LRRC4C: variants seen among roughly 807,000 people sequenced by gnomAD.
LRRC4C encodes the protein leucine-rich repeat-containing protein 4C.
Under a neutral mutation model 33.6 loss-of-function variants are expected in LRRC4C, and 5 were observed. The observed-to-expected ratio is 0.15, with a 90% CI of 0.08 to 0.31. The LOEUF is 0.31. LRRC4C is among the 10% of genes least tolerant of loss of function. The pLI is 1.00. For missense variants in LRRC4C, 560 were observed against 796.7 expected, an observed-to-expected ratio of 0.70 and a Z score of 3.58; for synonymous variants, 329 against 302.0, an observed-to-expected ratio of 1.09 and a Z score of -0.93.
chr11:41,156,406 T>G (rs1013043205), intron 1 of LRRC4C, among the ~76,000 whole-genome samples: 2 of 152,174 alleles, frequency 1.3e-5, no homozygotes, highest in African/African-American at 4.8e-5. Context: ...ACAATGTGAC[T>G]GCAGAATTAG....
intron 2 of LRRC4C, among the ~76,000 whole-genome samples, chr11:40,815,734 C>A (rs1332623448): frequency 2.0e-5 from 3 of 152,162 alleles, no homozygotes; most frequent in Non-Finnish European, 4.4e-5. Flanking sequence ...ATGCCATCAG[C>A]TCAGTGCACT....
intron 3 of LRRC4C, among the ~76,000 whole-genome samples, chr11:40,618,894 T>G (rs1332960416): frequency 6.6e-6 from 1 of 151,702 alleles, no homozygotes; most frequent in Non-Finnish European, 1.5e-5. Flanking sequence ...TATTTGTACA[T>G]CTATAAATGG....
chr11:40,740,904 G>A (rs1948127535), intron 2 of LRRC4C, among the ~76,000 whole-genome samples: 1 of 151,834 alleles, frequency 6.6e-6, no homozygotes, highest in African/African-American at 2.4e-5. Flanking sequence ...CCCCCCATTG[G>A]TACCTTTGTC....
At chr11:40,163,752 C>A (rs1349151295) in intron 5 of LRRC4C, among the ~76,000 whole-genome samples, 2 of 152,012 alleles carry the variant, frequency 1.3e-5, no homozygotes, top group Non-Finnish European at 2.9e-5. Flanking sequence ...TCTAAGATGA[C>A]CCTGAGCCAC....
chr11:41,385,475 T>C (rs1478322922), intron 1 of LRRC4C, among the ~76,000 whole-genome samples: 1 of 151,382 alleles, frequency 6.6e-6, no homozygotes, highest in African/African-American at 2.4e-5. Flanking sequence ...AAAAACTAAT[T>C]AGAAAAATTT....
chr11:41,132,721 A>G (rs1408222227), intron 1 of LRRC4C, among the ~76,000 whole-genome samples: 1 of 152,162 alleles, frequency 6.6e-6, no homozygotes, highest in Non-Finnish European at 1.5e-5. Flanking sequence ...AATGAAATAA[A>G]TTGTGTCTTA....
At chr11:40,862,500 T>C (rs1054305882) in intron 2 of LRRC4C, among the ~76,000 whole-genome samples, 1 of 152,224 alleles carries the variant, frequency 6.6e-6, no homozygotes, top group African/African-American at 2.4e-5. Flanking sequence ...TGTGGTTTTT[T>C]AAATAATCTC....
intron 1 of LRRC4C, among the ~76,000 whole-genome samples, chr11:41,023,183 C>T (rs1856104976): frequency 6.6e-6 from 1 of 151,722 alleles, no homozygotes; most frequent in African/African-American, 2.4e-5. Context: ...CAAATGGACA[C>T]TTAAAAACTT....
chr11:40,658,655 G>A (rs1274519237), intron 2 of LRRC4C, among the ~76,000 whole-genome samples: 1 of 152,174 alleles, frequency 6.6e-6, no homozygotes, highest in East Asian at 1.9e-4. Context: ...TGTATTCTCA[G>A]GATGATTTGG....
At chr11:41,105,734 T>G (rs997325810) in intron 1 of LRRC4C, among the ~76,000 whole-genome samples, 2 of 151,992 alleles carry the variant, frequency 1.3e-5, no homozygotes, top group African/African-American at 4.8e-5. Flanking sequence ...AGAGATTGTG[T>G]TGGAAATTTA....
chr11:40,120,620 G>T (rs1393784477), intron 6 of LRRC4C, among the ~76,000 whole-genome samples: 1 of 152,082 alleles, frequency 6.6e-6, no homozygotes, highest in Non-Finnish European at 1.5e-5. Flanking sequence ...GGGTCCCAGG[G>T]TCCTGTTCCT....
At chr11:40,356,393 A>G (rs1947672205) in intron 3 of LRRC4C, among the ~76,000 whole-genome samples, 1 of 152,224 alleles carries the variant, frequency 6.6e-6, no homozygotes, top group African/African-American at 2.4e-5. Context: ...GCATTTGTTT[A>G]AAAAAGATAC....
chr11:40,684,126 T>C (rs1488629568), intron 2 of LRRC4C, among the ~76,000 whole-genome samples: 1 of 151,782 alleles, frequency 6.6e-6, no homozygotes, highest in Non-Finnish European at 1.5e-5. Context: ...ATGTAGTAAA[T>C]AGCTGGGGTA....
chr11:40,880,314 T>A (rs1959192750), intron 2 of LRRC4C, among the ~76,000 whole-genome samples: 1 of 152,056 alleles, frequency 6.6e-6, no homozygotes, highest in Non-Finnish European at 1.5e-5. Flanking sequence ...CCCCGGTAAA[T>A]AATAAAATGA....
chr11:40,969,778 T>G (rs1384087549), intron 1 of LRRC4C, among the ~76,000 whole-genome samples: 4 of 152,218 alleles, frequency 2.6e-5, no homozygotes. Flanking sequence ...TTAAAAATTT[T>G]GTGACTCCCA....
At chr11:40,852,571 G>A (rs1315180629) in intron 2 of LRRC4C, among the ~76,000 whole-genome samples, 1 of 152,114 alleles carries the variant, frequency 6.6e-6, no homozygotes, top group African/African-American at 2.4e-5. Context: ...AATGGTGTGT[G>A]TTAACATTTT....
intron 1 of LRRC4C, among the ~76,000 whole-genome samples, chr11:41,242,238 C>T (rs948506301): frequency 1.1e-4 from 17 of 151,954 alleles, no homozygotes; most frequent in African/African-American, 4.1e-4. Flanking sequence ...AAACCTATAA[C>T]CTTAGATAGT....
intron 1 of LRRC4C, among the ~76,000 whole-genome samples, chr11:40,981,988 A>G (rs762229783): frequency 6.6e-6 from 1 of 152,136 alleles, no homozygotes; most frequent in Non-Finnish European, 1.5e-5. Context: ...TTCCCTCAAG[A>G]TCCTAGAAGA....
chr11:41,195,343 G>A (rs1277226744), intron 1 of LRRC4C, among the ~76,000 whole-genome samples: 4 of 151,682 alleles, frequency 2.6e-5, no homozygotes, highest in Non-Finnish European at 4.4e-5. Context: ...TTCAGCTATC[G>A]AAAAAAGGCA....
Sources: gnomAD v4.1 joint callset for allele counts (sites outside exome capture counted in the v4.1 genomes callset) on GRCh38, gnomAD v4.1.1 for gene constraint, MANE v1.5 for transcripts, NCBI Gene and HGNC (gene_info 2026-07-23, HGNC 2026-07-21) for gene names.